NPAS3: variants seen among roughly 807,000 people sequenced by gnomAD.
NPAS3 encodes neuronal PAS domain protein 3.
A neutral mutation model predicts 73.1 loss-of-function variants in NPAS3; 14 were observed. The observed-to-expected ratio is 0.19, with a 90% CI of 0.13 to 0.30. The LOEUF is 0.30. Ranked by LOEUF, NPAS3 falls within the 10% of genes least tolerant of loss-of-function variation. The pLI is 1.00. For missense variants in NPAS3, 1,096 were observed against 1,250.0 expected, an observed-to-expected ratio of 0.88 and a Z score of 1.86; for synonymous variants, 620 against 541.5, an observed-to-expected ratio of 1.14 and a Z score of -2.01.
At chr14:33,072,081 G>A (rs377419632) in intron 2 of NPAS3, among the ~76,000 whole-genome samples, 3 of 152,138 alleles carry the variant, frequency 2.0e-5, no homozygotes, top group East Asian at 1.9e-4. Flanking sequence ...AGTAGAGATG[G>A]GGTTTCACCA....
Position 33,314,871 on chromosome 14 carries a change from A to AT in NPAS3, c.386-52311dup, listed in dbSNP as rs773166845. Among the ~76,000 whole-genome samples the AT allele has an allele frequency of 2.6e-5, 4 of 152,222 alleles. No homozygotes were observed. In the South Asian group the frequency reaches 6.2e-4, roughly 24 times the overall value. On this transcript the variant is annotated intron_variant, in intron 3 of 11. Transcript: ENST00000356141. ...GTAATATTTCCATGCATTAATCTTA[A>AT]TTTTGTGGTTTCTACTGGCTGGCTA...
At chr14:33,502,953 A>C (rs978830757) in intron 4 of NPAS3, among the ~76,000 whole-genome samples, 15 of 151,734 alleles carry the variant, frequency 9.9e-5, no homozygotes, top group African/African-American at 3.6e-4. Context: ...CACACTCCAA[A>C]CTCAGCCACT....
chr14:33,452,339 T>C (rs1305470532), intron 4 of NPAS3, among the ~76,000 whole-genome samples: 2 of 152,220 alleles, frequency 1.3e-5, no homozygotes, highest in Non-Finnish European at 2.9e-5. Flanking sequence ...GGTGACAAAC[T>C]GAATTTATTA....
At chr14:32,972,870 C>CA (rs1243145546) in intron 1 of NPAS3, among the ~76,000 whole-genome samples, 1 of 152,156 alleles carries the variant, frequency 6.6e-6, no homozygotes, top group Admixed American at 6.5e-5. Context: ...GGATTACTCA[C>CA]AAAAAAGCAC....
chr14:33,657,451 T>C (rs2059176227), intron 5 of NPAS3, among the ~76,000 whole-genome samples: 1 of 152,162 alleles, frequency 6.6e-6, no homozygotes, highest in African/African-American at 2.4e-5. Context: ...TTAATATGAG[T>C]ATACAGTTAA....
chr14:33,363,026 C>T (rs1224811146), intron 3 of NPAS3, among the ~76,000 whole-genome samples: 1 of 152,074 alleles, frequency 6.6e-6, no homozygotes, highest in African/African-American at 2.4e-5. Flanking sequence ...AAGAGCAGGG[C>T]ACAAGGCAAG....
At chr14:33,416,885 G>A (rs2048170283) in intron 4 of NPAS3, among the ~76,000 whole-genome samples, 1 of 151,644 alleles carries the variant, frequency 6.6e-6, no homozygotes, top group African/African-American at 2.4e-5. Flanking sequence ...TTTATTTTTG[G>A]TTGTTTTAAT....
intron 3 of NPAS3, among the ~76,000 whole-genome samples, chr14:33,313,635 A>G (rs560589977): frequency 6.6e-6 from 1 of 152,158 alleles, no homozygotes; most frequent in Non-Finnish European, 1.5e-5. Flanking sequence ...AGCAATAGGT[A>G]TTTGCGGCTA....
intron 3 of NPAS3, among the ~76,000 whole-genome samples, chr14:33,281,732 G>A (rs2041621319): frequency 1.3e-5 from 2 of 152,024 alleles, no homozygotes; most frequent in African/African-American, 4.8e-5. Context: ...TTCCTGGTTT[G>A]TTACCCAGAA....
chr14:33,701,754 T>G (rs1163163000), intron 6 of NPAS3, among the ~76,000 whole-genome samples: 1 of 152,198 alleles, frequency 6.6e-6, no homozygotes, highest in Non-Finnish European at 1.5e-5. Flanking sequence ...ATTTAACAAC[T>G]TTTTGAGTAT....
chr14:33,063,865 C>A (rs1302773819), intron 2 of NPAS3, among the ~76,000 whole-genome samples: 1 of 152,190 alleles, frequency 6.6e-6, no homozygotes, highest in African/African-American at 2.4e-5. Flanking sequence ...TACTATAGAA[C>A]TGTTAACCTC....
intron 5 of NPAS3, among the ~76,000 whole-genome samples, chr14:33,670,459 C>T (rs1392361090): frequency 1.3e-5 from 2 of 152,260 alleles, no homozygotes; most frequent in Admixed American, 6.5e-5. Context: ...TCTGTCAAAA[C>T]AGTTCATAAA....
chr14:33,085,974 C>T (rs1006796445), intron 2 of NPAS3, among the ~76,000 whole-genome samples: 2 of 152,106 alleles, frequency 1.3e-5, no homozygotes, highest in African/African-American at 4.8e-5. Context: ...CCAACAGTCT[C>T]CTAGGAGTAG....
Position 33,638,427 on chromosome 14 carries a change from G to A in NPAS3, c.559-37784G>A, listed in dbSNP as rs192051772. On this transcript the variant is annotated intron_variant, in intron 5 of 11. Coordinates refer to ENST00000356141, the Ensembl canonical transcript of NPAS3. ...CCCAGTTCTTCTACTTACTATCTAC[G>A]TGATGTTGGATAAACTTTTTAACCT... is the stretch of plus-strand genomic sequence containing the variant. 6.3e-3 allele frequency among the ~76,000 whole-genome samples: 960 copies of A among 152,264 alleles called. 8 individuals are homozygous for A. Among genetic ancestry groups the A allele is most frequent in the African/African-American group, 0.022 (894 of 41,542 alleles).
intron 6 of NPAS3, among the ~76,000 whole-genome samples, chr14:33,710,155 C>T (rs571141993): frequency 1.1e-4 from 16 of 152,288 alleles, no homozygotes; most frequent in African/African-American, 3.8e-4. Flanking sequence ...CACAATGCGA[C>T]TTGATGTAAC....
intron 1 of NPAS3, among the ~76,000 whole-genome samples, chr14:33,036,674 C>T (rs17099958): frequency 0.13 from 19,577 of 151,814 alleles, 1,466 homozygotes; most frequent in East Asian, 0.29. Context: ...TAAAATTAGT[C>T]GTCATATAGT....
At chr14:33,010,516 A>G (rs2039151579) in intron 1 of NPAS3, among the ~76,000 whole-genome samples, 1 of 152,230 alleles carries the variant, frequency 6.6e-6, no homozygotes, top group African/African-American at 2.4e-5. Flanking sequence ...TGTAAGCAAA[A>G]TGATATATAA....
chr14:33,427,280 T>C (rs1210484469), intron 4 of NPAS3, among the ~76,000 whole-genome samples: 5 of 148,002 alleles, frequency 3.4e-5, no homozygotes, highest in African/African-American at 1.3e-4. Flanking sequence ...CTGTGGCCCA[T>C]ACTGAACCTC....
rs965099731 is a variant in NPAS3, at chr14:33,741,536, T to A, written c.852+6204T>A. Among the ~76,000 whole-genome samples, 8 of 152,222 alleles carry A rather than the reference T, an allele frequency of 5.3e-5. No individual in the cohort carries two copies. In the East Asian group the frequency reaches 1.5e-3, roughly 29 times the overall value. ...TACCTCGTTTTAGTCTCTGCTGACC[T>A]CTGCACAATTGTCCATTACAACGTG... On this transcript the variant is annotated intron_variant, in intron 7 of 11. Coordinates refer to ENST00000356141, the Ensembl canonical transcript of NPAS3.
Sources: allele counts gnomAD v4.1 joint callset (sites outside exome capture counted in the v4.1 genomes callset), GRCh38; gene constraint gnomAD v4.1.1; transcripts MANE v1.5; gene names NCBI Gene and HGNC (gene_info 2026-07-23, HGNC 2026-07-21).